Variants in PGC observed in about 807,000 individuals in gnomAD.
PGC encodes the protein gastricsin.
Under a neutral mutation model 45.9 loss-of-function variants are expected in PGC, and 31 were observed. The ratio of observed to expected loss-of-function variants is 0.67; its 90% CI spans 0.51 to 0.91. The LOEUF (loss-of-function observed/expected upper bound fraction) is 0.91, where lower values mean the gene tolerates loss of function less well. PGC is among the 40% of genes least tolerant of loss of function. The pLI is 0.00. For synonymous variants in PGC, 192 were observed against 201.8 expected, an observed-to-expected ratio of 0.95 and a Z score of 0.41; for missense variants, 477 against 493.2, an observed-to-expected ratio of 0.97 and a Z score of 0.31.
chr6:41,740,470 A>C (rs1295923385), intron 6 of PGC, 21 bp downstream of exon 6: 4 of 1,595,186 alleles, frequency 2.5e-6, no homozygotes, highest in Non-Finnish European at 3.4e-6. Context: ...CCACATCCCC[A>C]GGGCCCCACC....
chr6:41,741,775 T>C (rs2127290180), intron 5 of PGC: 1 of 1,528,872 alleles, frequency 6.5e-7, no homozygotes, highest in East Asian at 2.4e-5. Flanking sequence ...CATGCTTGTG[T>C]TGACTGGCAA....
intron 1 of PGC, among the ~76,000 whole-genome samples, chr6:41,745,528 G>A (rs1393542997): frequency 3.4e-5 from 5 of 148,714 alleles, no homozygotes; most frequent in African/African-American, 5.0e-5. Flanking sequence ...GTGAGCCACC[G>A]CACCTGGCCC....
At chr6:41,737,163 G>T (rs866207443) in intron 8 of PGC, among the ~76,000 whole-genome samples, 159 bp from the exon 9 acceptor site, 1 of 152,174 alleles carries the variant, frequency 6.6e-6, no homozygotes, top group Admixed American at 6.5e-5. Context: ...AGAGCAGAGC[G>T]GGTGGGAGGA....
Position 41,747,393 on chromosome 6 carries a change from G to A in PGC, c.-59C>T. On this transcript the variant is annotated 5_prime_UTR_variant, in exon 1 of 9. Transcript: ENST00000373025. ...CAGCTCTGAGTTCTGCAGTCGCAGT[G>A]GAGTGAAGACCTGGGCACTCTTTCC... 7.0e-7 allele frequency: 1 copy of A among 1,433,102 alleles called. No homozygotes were observed. The highest frequency in any genetic ancestry group is 9.8e-7 in the Non-Finnish European group (1 of 1,016,200). The allele number at this position is 1,433,102 out of a possible 1,614,324, so 88.8% of individuals were successfully genotyped here.
At chr6:41,745,261 G>A (rs950849626) in intron 1 of PGC, among the ~76,000 whole-genome samples, 4 of 149,620 alleles carry the variant, frequency 2.7e-5, no homozygotes, top group Non-Finnish European at 5.9e-5. Flanking sequence ...TTTTTGAGAC[G>A]CAGTTTCACT....
At chr6:41,741,475 G>A (rs993279352) in intron 5 of PGC, among the ~76,000 whole-genome samples, 2 of 152,062 alleles carry the variant, frequency 1.3e-5, no homozygotes, top group Admixed American at 6.6e-5. Flanking sequence ...GTGAAACCCC[G>A]TCTCTACTAA....
chr6:41,742,393 G>A lies in PGC; in HGVS notation c.544C>T (p.Leu182=), dbSNP rs1209395004. 6.2e-7 allele frequency: 1 copy of A among 1,614,006 alleles called. No homozygotes were observed. The highest frequency in any genetic ancestry group is 1.3e-5 in the African/African-American group (1 of 74,910). The change falls in exon 5 of 9, where the codon CTG becomes TTG. Residue 182 remains leucine, a synonymous_variant. Transcript: ENST00000373025. ...VYAQFDGIMG[L]AYPALSVDEA... ...TCCACGGACAGAGCAGGGTAGGCCAGGCCCATGATGCCATCAAACTGCGCA... is the reference window on the plus strand; with the variant it reads ...TCCACGGACAGAGCAGGGTAGGCCAAGCCCATGATGCCATCAAACTGCGCA...
chr6:41,737,758 G>A lies in PGC; in HGVS notation c.986C>T (p.Pro329Leu), dbSNP rs1771714302. The A allele has an allele frequency of 6.2e-7, 1 of 1,609,830 alleles. No homozygotes were observed. The highest frequency in any genetic ancestry group is 8.5e-7 in the Non-Finnish European group (1 of 1,176,182). ...GAGGATATAGGAGGAAGGTGGCAGA[G>A]GGAACTCCACACCATTGATGATGAA... is the stretch of plus-strand genomic sequence containing the variant. ...LTFIINGVEFPLPPSSYILSN... is the reference protein window; with the variant it reads ...LTFIINGVEFLLPPSSYILSN... The change falls in exon 8 of 9, where the codon CCT becomes CTT. Residue 329 changes from proline to leucine, a missense_variant. Physicochemically the swap from Pro to Leu is moderately conservative, Grantham distance 98. Transcript: ENST00000373025.
intron 7 of PGC, 95 bp from the exon 8 acceptor site, chr6:41,737,923 CG>C: frequency 1.4e-6 from 1 of 728,050 alleles, no homozygotes; most frequent in South Asian, 1.6e-5. Flanking sequence ...GCCTGAGCTC[CG>C]GGCCCAAGCC....
Position 41,736,758 on chromosome 6 carries a change from G to A in PGC, c.*94C>T. ...AGAGAAAGTCCAGAGTCCAGAAAAA[G>A]AAGGCTGAATCCAGAGTGGAAAGAC... On this transcript the variant is annotated 3_prime_UTR_variant, in exon 9 of 9. Transcript: ENST00000373025. 7.8e-7 allele frequency: 1 copy of A among 1,281,342 alleles called. No homozygotes were observed. The highest frequency in any genetic ancestry group is 1.1e-6 in the Non-Finnish European group (1 of 877,736). The allele number at this position is 1,281,342 out of a possible 1,614,324, so 79.4% of individuals were successfully genotyped here. A position where few individuals can be genotyped will look rare whatever the true frequency, so the allele number is the denominator to read the frequency against.
chr6:41,739,111 A>G (rs1771775301), intron 7 of PGC, among the ~76,000 whole-genome samples: 1 of 152,198 alleles, frequency 6.6e-6, no homozygotes, highest in South Asian at 2.1e-4. Flanking sequence ...AGCGCAGGGG[A>G]GCATGGCCCT....
chr6:41,746,758 G>T (rs1327766096), intron 1 of PGC, among the ~76,000 whole-genome samples: 1 of 152,208 alleles, frequency 6.6e-6, no homozygotes, highest in African/African-American at 2.4e-5. Flanking sequence ...ATGGCAGGCT[G>T]GGCGCCTTCC....
At position 41,744,505 on chromosome 6, in the gene PGC, A is replaced by G; in HGVS notation, c.220T>C (p.Phe74Leu). The G allele has an allele frequency of 6.2e-7, 1 of 1,612,946 alleles. No individual in the cohort carries two copies. The highest frequency in any genetic ancestry group is 8.5e-7 in the Non-Finnish European group (1 of 1,179,032). ...EPMAYMDAAY[F>L]GEISIGTPPQ... is the part of the protein sequence containing the mutation. ...GGAGTCCCGATGCTGATCTCACCAAAGTAGGCAGCCTGGGGGCCATGGAGC... is the reference window on the plus strand; with the variant it reads ...GGAGTCCCGATGCTGATCTCACCAAGGTAGGCAGCCTGGGGGCCATGGAGC... Residue 74 changes from phenylalanine to leucine, a missense_variant, in exon 3 of 9, where the codon TTT becomes CTT. Coordinates refer to ENST00000373025, the MANE Select transcript of PGC (RefSeq NM_002630.4). This position sits in a 1 kb window ranked among gnomAD's most constrained non-coding sequence, Gnocchi z 4.4.
chr6:41,738,338 G>A (rs111579934), intron 7 of PGC, among the ~76,000 whole-genome samples: 2 of 150,010 alleles, frequency 1.3e-5, no homozygotes, highest in Non-Finnish European at 3.0e-5. Flanking sequence ...TTTAAAACAC[G>A]CAGATCTGGC....
At chr6:41,746,048 G>A (rs1470814348) in intron 1 of PGC, among the ~76,000 whole-genome samples, 1 of 151,944 alleles carries the variant, frequency 6.6e-6, no homozygotes, top group African/African-American at 2.4e-5. Flanking sequence ...TGTAATCCTA[G>A]CTACTCGGGA....
At chr6:41,739,608 A>G (rs1472376681) in intron 7 of PGC, among the ~76,000 whole-genome samples, 191 bp downstream of exon 7, 1 of 152,206 alleles carries the variant, frequency 6.6e-6, no homozygotes, top group Non-Finnish European at 1.5e-5. Flanking sequence ...TTGTAGAGAC[A>G]GAGTCTCGCC....
intron 5 of PGC, 35 bp from the exon 6 acceptor site, chr6:41,740,645 T>G: frequency 1.3e-6 from 2 of 1,563,458 alleles, no homozygotes; most frequent in Non-Finnish European, 1.7e-6. Context: ...AGTCAGGGAG[T>G]GCCATGGAAA....
In PGC at chr6:41,736,927, C is replaced by A. The variant is rs1416499853; in HGVS notation, c.1092G>T (p.Gly364=). 2.5e-6 allele frequency: 4 copies of A among 1,613,950 alleles called. No homozygotes were observed. Among genetic ancestry groups the A allele is most frequent in the Non-Finnish European group, 3.4e-6 (4 of 1,179,980 alleles). ...SQNGQPLWIL[G]DVFLRSYYSV... is the part of the protein sequence containing the mutation. ...AATAGTAGGACCTGAGGAAGACATC[C>A]CCGAGGATCCACAGGGGCTGGCCGT... Residue 364 remains glycine, a synonymous_variant, in exon 9 of 9, where the codon GGG becomes GGT. Coordinates refer to ENST00000373025, the MANE Select transcript of PGC (RefSeq NM_002630.4).
At position 41,739,870 on chromosome 6, in the gene PGC, G is replaced by T. The variant is rs1456835211; in HGVS notation, c.844C>A (p.Leu282Ile). 6.2e-7 allele frequency: 1 copy of T among 1,614,020 alleles called. No individual in the cohort carries two copies. Reference protein sequence around the residue: ...QAIVDTGTSLLTVPQQYMSAL... With the variant: ...QAIVDTGTSLITVPQQYMSAL... ...CTCATGTACTGCTGGGGCACAGTGAGCAGAGAGGTGCCTGTGTCCACGATG... is the reference window on the plus strand; with the variant it reads ...CTCATGTACTGCTGGGGCACAGTGATCAGAGAGGTGCCTGTGTCCACGATG... The change falls in exon 7 of 9, where the codon CTC becomes ATC. Residue 282 changes from leucine to isoleucine, a missense_variant. Coordinates refer to ENST00000373025, the MANE Select transcript of PGC (RefSeq NM_002630.4).
Sources: allele counts gnomAD v4.1 joint callset (sites outside exome capture counted in the v4.1 genomes callset), GRCh38; gene constraint gnomAD v4.1.1; non-coding constraint Gnocchi (gnomAD v3.1); transcripts MANE v1.5; gene names NCBI Gene and HGNC (gene_info 2026-07-23, HGNC 2026-07-21).